Variants in SPTA1 observed in about 807,000 individuals in gnomAD.
SPTA1 encodes the protein spectrin alpha chain, erythrocytic 1.
Under a neutral mutation model 324.7 loss-of-function variants are expected in SPTA1, and 177 were observed. The ratio of observed to expected loss-of-function variants is 0.55; its 90% CI spans 0.48 to 0.62. The LOEUF (loss-of-function observed/expected upper bound fraction) is 0.62. SPTA1 is among the 20% of genes least tolerant of loss of function. The pLI, the probability that SPTA1 is intolerant of heterozygous loss-of-function variation, is 0.00. For missense variants in SPTA1, 3,162 were observed against 2,883.6 expected (o/e 1.10, Z -2.21); for synonymous variants, 1,195 against 1,041.3 (o/e 1.15, Z -2.84).
In SPTA1 at chr1:158,623,206, G is replaced by A. The variant is rs1443692218; in HGVS notation, c.5911-14C>T. The A allele has an allele frequency of 6.2e-7, 1 of 1,602,232 alleles. No individual in the cohort carries two copies. The highest frequency in any genetic ancestry group is 1.7e-5 in the Admixed American group (1 of 59,864). On this transcript the variant is annotated splice_polypyrimidine_tract_variant and intron_variant, in intron 42 of 51. Transcript: ENST00000643759. The stretch of plus-strand genomic sequence containing the variant: ...ATCCAGAGTGTCCTGAGAAAGATCA[G>A]GAGAGAGGCCGTGAACAAGAAAATG...
chr1:158,659,875 G>T lies in SPTA1; in HGVS notation c.2587+1412C>A, dbSNP rs1158151318. ...TCCACTCGCCTCGGCCTCCCAAAGT[G>T]CTGGGATTACAGGCGTGAGCCACCG... On this transcript the variant is annotated intron_variant, in intron 18 of 51. Transcript: ENST00000643759. 3.3e-5 allele frequency among the ~76,000 whole-genome samples: 2 copies of T among 61,482 alleles called. 1 individual carries two copies. The highest frequency in any genetic ancestry group is 5.3e-5 in the Non-Finnish European group (2 of 38,086). The allele number at this position is 61,482 out of a possible 152,430, so 40.3% of individuals were successfully genotyped here.
chr1:158,641,064 T>A (rs1651525367), intron 33 of SPTA1, among the ~76,000 whole-genome samples: 1 of 152,174 alleles, frequency 6.6e-6, no homozygotes. Context: ...GGGGAAAGGA[T>A]TCCCTATTTA....
intron 39 of SPTA1, among the ~76,000 whole-genome samples, chr1:158,631,114 A>G (rs929364766): frequency 2.0e-5 from 3 of 152,220 alleles, no homozygotes; most frequent in African/African-American, 4.8e-5. Context: ...ACTACTGGGT[A>G]TCTACCCAAA....
intron 44 of SPTA1, among the ~76,000 whole-genome samples, chr1:158,619,928 C>G (rs1216888410): frequency 6.6e-6 from 1 of 152,158 alleles, no homozygotes; most frequent in Non-Finnish European, 1.5e-5. Context: ...CTTGGGGCTT[C>G]TGTTTGCTTC....
In SPTA1 at chr1:158,622,190, TC is replaced by T. The variant is rs539151004; in HGVS notation, c.6120+792del. ...CCTTCCATTATTGATATTTTTATGATCAACATCCAATGCCTTAGCAGCCAAC... is the reference window on the plus strand; with the variant it reads ...CCTTCCATTATTGATATTTTTATGATAACATCCAATGCCTTAGCAGCCAAC... On this transcript the variant is annotated intron_variant, in intron 43 of 51. Coordinates refer to ENST00000643759, the MANE Select transcript of SPTA1 (RefSeq NM_003126.4). 1.8e-3 allele frequency among the ~76,000 whole-genome samples: 278 copies of T among 152,312 alleles called. 1 individual carries two copies. The highest frequency in any genetic ancestry group is 6.3e-3 in the African/African-American group (263 of 41,572).
intron 23 of SPTA1, among the ~76,000 whole-genome samples, chr1:158,651,746 A>G (rs1316808489): frequency 6.6e-6 from 1 of 152,132 alleles, no homozygotes; most frequent in Non-Finnish European, 1.5e-5. Flanking sequence ...ATTAAATTAT[A>G]CCATTAGAGG....
At chr1:158,678,379 A>G in intron 6 of SPTA1, 22 bp downstream of exon 6, 3 of 1,613,420 alleles carry the variant, frequency 1.9e-6, no homozygotes, top group Non-Finnish European at 2.5e-6. Flanking sequence ...AGTTTTCTAT[A>G]AAGCAGTGGC....
At chr1:158,628,238 C>A (rs555965593) in intron 39 of SPTA1, among the ~76,000 whole-genome samples, 11 of 152,266 alleles carry the variant, frequency 7.2e-5, no homozygotes, top group African/African-American at 2.4e-4. Flanking sequence ...AGAAGTGAGG[C>A]TGAAGCATGA....
intron 16 of SPTA1, 93 bp downstream of exon 16, chr1:158,666,223 T>A: frequency 7.8e-7 from 1 of 1,275,336 alleles, no homozygotes; most frequent in Non-Finnish European, 1.1e-6. Flanking sequence ...TATTAAGTAA[T>A]TAATAAGTAA....
rs1318675829 is a variant in SPTA1 at position 158,686,562 on chromosome 1, A to AGAGG, written c.-46_-45insCCTC. The AGAGG allele has an allele frequency of 2.8e-6, 4 of 1,415,606 alleles. No homozygotes were observed. The highest frequency in any genetic ancestry group is 1.4e-5 in the African/African-American group (1 of 70,550). The allele number at this position is 1,415,606 out of a possible 1,614,324, so 87.7% of individuals were successfully genotyped here. ...CCTGGCAAGATAAAATGTGTCAGAG[A>AGAGG]GAGAGAGAGAGAGAAATAATTCAAA... On this transcript the variant is annotated 5_prime_UTR_variant, in exon 1 of 52. An upstream open reading frame in the 5' UTR gains an earlier in-frame stop. Coordinates refer to ENST00000643759, the MANE Select transcript of SPTA1 (RefSeq NM_003126.4).
At chr1:158,616,835 A>T (rs149793514) in intron 47 of SPTA1, among the ~76,000 whole-genome samples, 1 of 152,172 alleles carries the variant, frequency 6.6e-6, no homozygotes, top group East Asian at 1.9e-4. Flanking sequence ...AGGAATTTCC[A>T]TACTGGTTTC....
At chr1:158,672,266 T>C in intron 10 of SPTA1, 70 bp from the exon 11 acceptor site, 3 of 1,476,634 alleles carry the variant, frequency 2.0e-6, no homozygotes, top group South Asian at 2.5e-5. Context: ...ATTGAGCATA[T>C]AATAAATGCA....
intron 33 of SPTA1, among the ~76,000 whole-genome samples, chr1:158,640,694 T>C (rs1351364512): frequency 6.6e-6 from 1 of 152,180 alleles, no homozygotes; most frequent in Non-Finnish European, 1.5e-5. Flanking sequence ...GGAAGAATAT[T>C]CCATGCTCAT....
At chr1:158,642,348 A>G in intron 33 of SPTA1, 63 bp downstream of exon 33, 2 of 1,511,668 alleles carry the variant, frequency 1.3e-6, no homozygotes, top group Non-Finnish European at 1.8e-6. Context: ...ATTAAAAAAA[A>G]AGAAAGAGTA....
chr1:158,636,099 T>G (rs913812171), intron 37 of SPTA1, 65 bp from the exon 38 acceptor site: 3 of 1,613,540 alleles, frequency 1.9e-6, no homozygotes, highest in Admixed American at 1.7e-5. Flanking sequence ...CCATAGTCCC[T>G]GAGCAAAGTA....
At chr1:158,634,426 T>G in intron 39 of SPTA1, 117 bp downstream of exon 39, 1 of 1,425,918 alleles carries the variant, frequency 7.0e-7, no homozygotes, top group East Asian at 2.3e-5. Flanking sequence ...TTATTCGTAT[T>G]TCCTTCATCT....
chr1:158,651,546 C>T (rs1020049557), intron 23 of SPTA1, 78 bp from the exon 24 acceptor site: 11 of 946,386 alleles, frequency 1.2e-5, no homozygotes, highest in Non-Finnish European at 1.6e-5. Flanking sequence ...ATCTACCATA[C>T]TTACCTGTCC....
chr1:158,635,268 T>A (rs1231271269), intron 38 of SPTA1, among the ~76,000 whole-genome samples: 6 of 152,078 alleles, frequency 3.9e-5, no homozygotes, highest in Non-Finnish European at 7.3e-5. Context: ...TGATAGTGAG[T>A]GAGTTCTTGC....
rs557357045 is a variant in SPTA1 at position 158,637,277 on chromosome 1, C to T, written c.5190-516G>A. Among the ~76,000 whole-genome samples, 16 of 152,262 alleles carry T rather than the reference C, an allele frequency of 1.1e-4. No homozygotes were observed. In the South Asian group the frequency reaches 3.3e-3, roughly 32 times the overall value. On this transcript the variant is annotated intron_variant, in intron 36 of 51. Transcript: ENST00000643759. ...CGAAGACTACATGGACAAGATTATT[C>T]TATCTTATGGTCTTATCCAAAAAGG...
Sources: allele counts gnomAD v4.1 joint callset (sites outside exome capture counted in the v4.1 genomes callset), GRCh38; gene constraint gnomAD v4.1.1; transcripts MANE v1.5; gene names NCBI Gene and HGNC (gene_info 2026-07-23, HGNC 2026-07-21).